TFCP2L1: variants seen among roughly 807,000 people sequenced by gnomAD.
The protein encoded by TFCP2L1 is transcription factor CP2 like 1, also known as transcription factor CP2-like protein 1.
Under a neutral mutation model 72.2 loss-of-function variants are expected in TFCP2L1, and 12 were observed. The ratio of observed to expected loss-of-function variants is 0.17; its 90% CI spans 0.11 to 0.27. The LOEUF is 0.27. Among genes scored for constraint, TFCP2L1 ranks in the 10% least tolerant of loss-of-function variants. The pLI, the probability that TFCP2L1 is intolerant of heterozygous loss-of-function variation, is 1.00. For synonymous variants in TFCP2L1, 260 were observed against 251.0 expected, an observed-to-expected ratio of 1.04 and a Z score of -0.34; for missense variants, 488 against 624.6, an observed-to-expected ratio of 0.78 and a Z score of 2.33.
rs1488683909 is a variant in TFCP2L1 at position 121,247,132 on chromosome 2, C to T, written c.505-162G>A. The stretch of plus-strand genomic sequence containing the variant: ...TGACACTCTGTCCACTCCATCAGGC[C>T]GGTGGCCTCCCTGTTCCCCTGCCTG... On this transcript the variant is annotated intron_variant, in intron 5 of 14. Transcript: ENST00000263707. Among the ~76,000 whole-genome samples the T allele has an allele frequency of 5.3e-5, 8 of 152,132 alleles. 1 individual carries two copies. The South Asian group carries it at 8.3e-4, about 16-fold the overall frequency.
intron 8 of TFCP2L1, among the ~76,000 whole-genome samples, chr2:121,238,120 G>A (rs781162314): frequency 2.6e-5 from 4 of 152,080 alleles, no homozygotes; most frequent in Non-Finnish European, 5.9e-5. Context: ...CTGAGTCACC[G>A]GCAACACATC....
Position 121,246,792 on chromosome 2 carries a change from C to T in TFCP2L1, c.657+26G>A, listed in dbSNP as rs201544760. 21 of 1,613,482 alleles carry T rather than the reference C, an allele frequency of 1.3e-5. 1 individual carries two copies. Among genetic ancestry groups the T allele is most frequent in the South Asian group, 1.2e-4 (11 of 91,032 alleles). On this transcript the variant is annotated intron_variant, in intron 6 of 14. Coordinates refer to ENST00000263707, the MANE Select transcript of TFCP2L1 (RefSeq NM_014553.3). ...CACAGGCCAGGCCAGCAGCAGGGCACGGCAGAGCCTGCGAAGCCATCCTAC... is the reference window on the plus strand; with the variant it reads ...CACAGGCCAGGCCAGCAGCAGGGCATGGCAGAGCCTGCGAAGCCATCCTAC...
At chr2:121,247,713 C>G (rs1388942779) in intron 5 of TFCP2L1, among the ~76,000 whole-genome samples, 1 of 152,034 alleles carries the variant, frequency 6.6e-6, no homozygotes, top group Non-Finnish European at 1.5e-5. Flanking sequence ...ACACAGCAAG[C>G]GAGAGAGCCA....
chr2:121,280,758 C>T (rs980160333), intron 2 of TFCP2L1, among the ~76,000 whole-genome samples: 8 of 138,888 alleles, frequency 5.8e-5, no homozygotes, highest in Admixed American at 1.4e-4. Context: ...AACAAGACCC[C>T]CTCAAAAAAG....
chr2:121,252,121 C>T (rs1208736189), intron 2 of TFCP2L1, among the ~76,000 whole-genome samples: 15 of 152,346 alleles, frequency 9.8e-5, no homozygotes, highest in African/African-American at 3.6e-4. Flanking sequence ...ACAATCAAGA[C>T]TCACTGCAGC....
rs1457436174 is a variant in TFCP2L1, at chr2:121,285,056, G to A, written c.54C>T (p.Ser18=). The A allele has an allele frequency of 1.3e-6, 2 of 1,513,374 alleles. No homozygotes were observed. Among genetic ancestry groups the A allele is most frequent in the East Asian group, 2.8e-5 (1 of 35,670 alleles). The allele number at this position is 1,513,374 out of a possible 1,614,324, so 93.7% of individuals were successfully genotyped here. A position where few individuals can be genotyped will look rare whatever the true frequency, so the allele number is the denominator to read the frequency against. The change falls in exon 1 of 15, where the codon AGC becomes AGT. Residue 18 remains serine (S), a synonymous_variant. Coordinates refer to ENST00000263707, the MANE Select transcript of TFCP2L1 (RefSeq NM_014553.3). The part of the protein sequence containing the change: ...PEHYNQHNSG[S]YLRDVLALPI... ...CCGCGCGCGGCCCTTACCGCAGGTA[G>A]CTGCCGGAGTTGTGCTGGTTGTAGT...
At chr2:121,236,373 G>A (rs995664629) in intron 10 of TFCP2L1, among the ~76,000 whole-genome samples, 4 of 152,130 alleles carry the variant, frequency 2.6e-5, no homozygotes, top group Admixed American at 1.3e-4. Context: ...ATGTGAGGAC[G>A]GGCCCACAGT....
At chr2:121,276,027 A>C (rs1687140253) in intron 2 of TFCP2L1, among the ~76,000 whole-genome samples, 1 of 152,264 alleles carries the variant, frequency 6.6e-6, no homozygotes, top group African/African-American at 2.4e-5. Flanking sequence ...TCAGCAGCAC[A>C]GGACAAGTCT....
intron 14 of TFCP2L1, 50 bp downstream of exon 14, chr2:121,225,512 A>AC (rs1455305499): frequency 6.3e-7 from 1 of 1,588,328 alleles, no homozygotes; most frequent in Admixed American, 1.7e-5. Flanking sequence ...GGCAGGCCCC[A>AC]CCCTCTCACC....
intron 2 of TFCP2L1, among the ~76,000 whole-genome samples, chr2:121,273,607 G>A (rs993744705): frequency 6.6e-6 from 1 of 152,152 alleles, no homozygotes; most frequent in African/African-American, 2.4e-5. Context: ...TGTTTGACAC[G>A]GCACTGAGAA....
intron 1 of TFCP2L1, among the ~76,000 whole-genome samples, chr2:121,282,366 T>G (rs1573403967): frequency 1.4e-5 from 2 of 144,094 alleles, no homozygotes; most frequent in South Asian, 2.2e-4. Context: ...TCCTGCGACT[T>G]AGGGAGGAAC....
intron 7 of TFCP2L1, 95 bp from the exon 8 acceptor site, chr2:121,239,744 A>G: frequency 1.7e-6 from 2 of 1,206,300 alleles, no homozygotes; most frequent in Non-Finnish European, 2.3e-6. Flanking sequence ...ACACCAATGC[A>G]TGAGACCCCC....
chr2:121,268,538 A>G (rs955418071), intron 2 of TFCP2L1, among the ~76,000 whole-genome samples: 3 of 152,082 alleles, frequency 2.0e-5, no homozygotes, highest in African/African-American at 7.2e-5. Flanking sequence ...TAAATTTTAT[A>G]TGGCCAAAAT....
chr2:121,253,612 C>G (rs1230992359), intron 2 of TFCP2L1, among the ~76,000 whole-genome samples: 1 of 152,202 alleles, frequency 6.6e-6, no homozygotes, highest in African/African-American at 2.4e-5. Context: ...TGACCCCAGG[C>G]TCTGCAGGGC....
At chr2:121,234,548 T>C (rs3768903) in intron 11 of TFCP2L1, among the ~76,000 whole-genome samples, 62,391 of 152,100 alleles carry the variant, frequency 0.41, 14,407 homozygotes, top group Non-Finnish European at 0.53. Context: ...CATTCCACAG[T>C]TGAGCAAACT....
intron 2 of TFCP2L1, among the ~76,000 whole-genome samples, chr2:121,270,541 G>C (rs4848700): frequency 0.4 from 60,531 of 152,040 alleles, 14,551 homozygotes; most frequent in African/African-American, 0.68. Flanking sequence ...ACTAGAGCAC[G>C]AGGTTATAAC....
chr2:121,264,899 A>G (rs1024072266), intron 2 of TFCP2L1, among the ~76,000 whole-genome samples: 1 of 152,220 alleles, frequency 6.6e-6, no homozygotes, highest in African/African-American at 2.4e-5. Flanking sequence ...GTAACAATGT[A>G]AAATAGTATA....
intron 1 of TFCP2L1, among the ~76,000 whole-genome samples, chr2:121,281,934 T>TGGGCGG (rs1553436596): frequency 9.2e-4 from 46 of 50,046 alleles, no homozygotes; most frequent in African/African-American, 3.5e-3. Context: ...TTGTTTTTTT[T>TGGGCGG]GGGCGGGGGC....
At chr2:121,246,993 G>A in intron 5 of TFCP2L1, 23 bp from the exon 6 acceptor site, 5 of 1,613,734 alleles carry the variant, frequency 3.1e-6, no homozygotes, top group South Asian at 1.1e-5. Flanking sequence ...ACGTTGGGCA[G>A]GTGGCAAGGA....
Sources: allele counts gnomAD v4.1 joint callset (sites outside exome capture counted in the v4.1 genomes callset), GRCh38; gene constraint gnomAD v4.1.1; transcripts MANE v1.5; gene names NCBI Gene and HGNC (gene_info 2026-07-23, HGNC 2026-07-21).